EFHC1: variants seen among roughly 807,000 people sequenced by gnomAD.
The protein encoded by EFHC1 is EF-hand domain-containing protein 1.
A neutral mutation model predicts 69.9 loss-of-function variants in EFHC1; 53 were observed. That is an observed-to-expected ratio of 0.76 (90% CI 0.61 to 0.95). The LOEUF (loss-of-function observed/expected upper bound fraction) is 0.95. Among genes scored for constraint, EFHC1 ranks in the 40% least tolerant of loss-of-function variants. EFHC1 has a pLI of 0.00. For missense variants in EFHC1, 739 were observed against 798.7 expected (o/e 0.93, Z 0.90); for synonymous variants, 256 against 278.4 (o/e 0.92, Z 0.80).
intron 7 of EFHC1, among the ~76,000 whole-genome samples, chr6:52,477,859 T>A (rs1218806135): frequency 6.6e-6 from 1 of 152,288 alleles, no homozygotes; most frequent in African/African-American, 2.4e-5. Context: ...ATTGTGGAAG[T>A]CAGTGTGGTG....
Position 52,497,005 on chromosome 6 carries a change from A to G in EFHC1, c.*4664A>G, listed in dbSNP as rs1329475102. The G allele has an allele frequency of 1.3e-5, 2 of 152,326 alleles. No individual in the cohort carries two copies. Among genetic ancestry groups the G allele is most frequent in the South Asian group, 2.1e-4 (1 of 4,824 alleles). The allele number at this position is 152,326 out of a possible 1,614,324, so 9.4% of individuals were successfully genotyped here. A position where few individuals can be genotyped will look rare whatever the true frequency, so the allele number is the denominator to read the frequency against. On this transcript the variant is annotated 3_prime_UTR_variant, in exon 11 of 11. Coordinates refer to ENST00000371068, the MANE Select transcript of EFHC1 (RefSeq NM_018100.4). ...TGGATGTCTTCTAGTCAGCACCAACATATTTGTTGGCCTTTACACAAACGA... is the reference window on the plus strand; with the variant it reads ...TGGATGTCTTCTAGTCAGCACCAACGTATTTGTTGGCCTTTACACAAACGA...
chr6:52,493,063 G>T lies in EFHC1; in HGVS notation c.*722G>T, dbSNP rs1314185728. The T allele has an allele frequency of 4.4e-6, 2 of 454,014 alleles. No individual in the cohort carries two copies. The allele number at this position is 454,014 out of a possible 1,614,324, so 28.1% of individuals were successfully genotyped here. ...TTTGAAGACATGAGTAGAATAAAAA[G>T]GCTGACCTTTCCCCAGGTAAGAGAA... On this transcript the variant is annotated 3_prime_UTR_variant, in exon 11 of 11. Transcript: ENST00000371068.
intron 9 of EFHC1, chr6:52,486,315 C>G (rs1434927615): frequency 6.6e-6 from 1 of 152,106 alleles, no homozygotes; most frequent in East Asian, 1.9e-4. Flanking sequence ...GTTTGGGGTC[C>G]TCCACTGCAG....
chr6:52,454,333 G>C (rs771818508), intron 5 of EFHC1, 46 bp downstream of exon 5: 2 of 1,611,614 alleles, frequency 1.2e-6, no homozygotes, highest in African/African-American at 1.3e-5. Flanking sequence ...ATGTTTTTAG[G>C]TTCTTAAAGG....
chr6:52,448,173 G>T (rs1230838378), intron 3 of EFHC1, among the ~76,000 whole-genome samples: 3 of 152,230 alleles, frequency 2.0e-5, no homozygotes, highest in Non-Finnish European at 4.4e-5. Flanking sequence ...CTCAGAGGTG[G>T]AGTCTACAGA....
chr6:52,486,623 A>G (rs1186617748), intron 9 of EFHC1: 1 of 152,166 alleles, frequency 6.6e-6, no homozygotes, highest in African/African-American at 2.4e-5. Context: ...ATTGGTTTCA[A>G]ATATGAGATC....
intron 9 of EFHC1, chr6:52,488,354 A>G (rs755388749): frequency 9.2e-5 from 14 of 152,206 alleles, no homozygotes; most frequent in Non-Finnish European, 1.6e-4. Flanking sequence ...AACAATTTTT[A>G]TTGTTCTTGG....
chr6:52,472,539 A>G (rs111362820), intron 7 of EFHC1, among the ~76,000 whole-genome samples: 4,871 of 152,254 alleles, frequency 0.032, 114 homozygotes, highest in Non-Finnish European at 0.048. Context: ...CTATAGCATC[A>G]AAAATATTAA....
At chr6:52,444,195 G>C (rs1291822106) in intron 3 of EFHC1, among the ~76,000 whole-genome samples, 2 of 152,108 alleles carry the variant, frequency 1.3e-5, no homozygotes, top group Non-Finnish European at 2.9e-5. Context: ...TGGGCTGAGA[G>C]GATAGGGTTT....
intron 4 of EFHC1, chr6:52,453,299 G>A: frequency 1.6e-6 from 2 of 1,287,324 alleles, no homozygotes; most frequent in Non-Finnish European, 2.0e-6. Flanking sequence ...CTTGTTAAAT[G>A]TTATATTAAT....
At chr6:52,444,213 A>G (rs764551618) in intron 3 of EFHC1, among the ~76,000 whole-genome samples, 73 of 152,230 alleles carry the variant, frequency 4.8e-4, no homozygotes, top group Non-Finnish European at 9.7e-4. Context: ...TTTTCTAAAT[A>G]TACAATCATG....
Position 52,495,206 on chromosome 6 carries a change from T to A in EFHC1, c.*2865T>A. The A allele has an allele frequency of 4.4e-6, 2 of 454,094 alleles. No individual in the cohort carries two copies. Among genetic ancestry groups the A allele is most frequent in the Non-Finnish European group, 8.8e-6 (2 of 226,782 alleles). The allele number at this position is 454,094 out of a possible 1,614,324, so 28.1% of individuals were successfully genotyped here. ...CCAGATGGCTCTCTTGGCTGTGTAA[T>A]TAGGCAGCTCAATCCCTTTCCTTTA... On this transcript the variant is annotated 3_prime_UTR_variant, in exon 11 of 11. Coordinates refer to ENST00000371068, the MANE Select transcript of EFHC1 (RefSeq NM_018100.4).
chr6:52,486,158 G>T (rs1476893796), intron 9 of EFHC1: 1 of 152,180 alleles, frequency 6.6e-6, no homozygotes, highest in African/African-American at 2.4e-5. Flanking sequence ...ATGAGTACTT[G>T]TCAGACCAGT....
At position 52,424,132 on chromosome 6, in the gene EFHC1, G is replaced by T; in HGVS notation, c.250G>T (p.Asp84Tyr). The T allele has an allele frequency of 6.2e-7, 1 of 1,614,098 alleles. No homozygotes were observed. Among genetic ancestry groups the T allele is most frequent in the Non-Finnish European group, 8.5e-7 (1 of 1,179,964 alleles). ...YGQPKQAPPA[D>Y]FIPAHVAFDK... ...CCAACCTAAACAAGCCCCACCTGCG[G>T]ATTTTATTCCTGCGCATGTGGCCTT... The change falls in exon 2 of 11, where the codon GAT (aspartate) becomes TAT (tyrosine). Residue 84 changes from aspartate (D) to tyrosine (Y), a missense_variant. By Grantham distance (160) the Asp-to-Tyr change is radical (BLOSUM62 -3). Transcript: ENST00000371068.
At chr6:52,459,349 A>G (rs1765110856) in intron 5 of EFHC1, among the ~76,000 whole-genome samples, 1 of 152,254 alleles carries the variant, frequency 6.6e-6, no homozygotes, top group African/African-American at 2.4e-5. Flanking sequence ...TAGGATATAT[A>G]AAGTGGCTCT....
chr6:52,476,502 T>C (rs1765548873), intron 7 of EFHC1, among the ~76,000 whole-genome samples: 1 of 152,174 alleles, frequency 6.6e-6, no homozygotes, highest in Non-Finnish European at 1.5e-5. Context: ...TGTTTTGTAA[T>C]TGCAAAGGGA....
At chr6:52,443,541 G>A (rs970236710) in intron 3 of EFHC1, among the ~76,000 whole-genome samples, 22 of 150,424 alleles carry the variant, frequency 1.5e-4, no homozygotes, top group Non-Finnish European at 2.7e-4. Flanking sequence ...TTATTAAATA[G>A]GGAATCCTTT....
At position 52,479,056 on chromosome 6, in the gene EFHC1, A is replaced by T; in HGVS notation, c.1298A>T (p.Asp433Val). Residue 433 changes from aspartate (D) to valine (V), a missense_variant, in exon 8 of 11, where the codon GAC (aspartate) becomes GTC (valine). Asp to Val is a radical substitution (Grantham distance 152). Coordinates refer to ENST00000371068, the MANE Select transcript of EFHC1 (RefSeq NM_018100.4). ...TTGTAGGAATCCCCCATCCCAGAAG[A>T]CAAAGACCGCAGATTTGTCTTCTCT... is the stretch of plus-strand genomic sequence containing the variant. The part of the protein sequence containing the change: ...LAVLESPIPE[D>V]KDRRFVFSYF... The T allele has an allele frequency of 1.2e-6, 2 of 1,613,966 alleles. No homozygotes were observed. The highest frequency in any genetic ancestry group is 1.7e-6 in the Non-Finnish European group (2 of 1,179,994).
In EFHC1 at chr6:52,494,942, C is replaced by T. The variant is rs1766012537; in HGVS notation, c.*2601C>T. The T allele has an allele frequency of 2.2e-6, 1 of 452,730 alleles. No individual in the cohort carries two copies. Among genetic ancestry groups the T allele is most frequent in the Non-Finnish European group, 4.4e-6 (1 of 225,854 alleles). 28.0% of individuals were successfully genotyped at this position (452,730 alleles called of 1,614,324 possible). ...ACTTCATTTAAAAAATCTAATCCAC[C>T]ATTGATTGGCACCTAGGTTGATTCC... On this transcript the variant is annotated 3_prime_UTR_variant, in exon 11 of 11. Coordinates refer to ENST00000371068, the MANE Select transcript of EFHC1 (RefSeq NM_018100.4).
Sources: allele counts gnomAD v4.1 joint callset (sites outside exome capture counted in the v4.1 genomes callset), GRCh38; gene constraint gnomAD v4.1.1; transcripts MANE v1.5; gene names NCBI Gene and HGNC (gene_info 2026-07-23, HGNC 2026-07-21).